Variants in GALNT1 observed in about 807,000 individuals in gnomAD.
GALNT1 encodes polypeptide N-acetylgalactosaminyltransferase 1.
Under a neutral mutation model 65.7 loss-of-function variants are expected in GALNT1, and 17 were observed. That is an observed-to-expected ratio of 0.26 (90% CI 0.18 to 0.39). The LOEUF (loss-of-function observed/expected upper bound fraction) is 0.39. GALNT1 is among the 10% of genes least tolerant of loss of function. The probability of loss-of-function intolerance (pLI) is 1.00; values close to 1 mark genes in which losing one functional copy is unlikely to be tolerated. For missense variants in GALNT1, 460 were observed against 672.8 expected, an observed-to-expected ratio of 0.68 and a Z score of 3.50; for synonymous variants, 210 against 219.7, an observed-to-expected ratio of 0.96 and a Z score of 0.39.
At chr18:35,595,305 G>C (rs546963084) in intron 1 of GALNT1, among the ~76,000 whole-genome samples, 3 of 152,158 alleles carry the variant, frequency 2.0e-5, no homozygotes, top group Non-Finnish European at 2.9e-5. Flanking sequence ...CACACACACA[G>C]AGATGCTGGC....
At chr18:35,685,980 A>T (rs1209208571) in intron 5 of GALNT1, among the ~76,000 whole-genome samples, 1 of 152,166 alleles carries the variant, frequency 6.6e-6, no homozygotes, top group African/African-American at 2.4e-5. Context: ...AGTCGGGAGG[A>T]TCGCTTGAAC....
chr18:35,637,088 C>G (rs914306511), intron 1 of GALNT1, among the ~76,000 whole-genome samples: 8 of 152,122 alleles, frequency 5.3e-5, no homozygotes, highest in African/African-American at 1.4e-4. Flanking sequence ...AGCCGTTTCC[C>G]TGTCTCTCTC....
intron 6 of GALNT1, among the ~76,000 whole-genome samples, chr18:35,687,405 CAT>C (rs1466245918): frequency 6.6e-6 from 1 of 152,156 alleles, no homozygotes; most frequent in Non-Finnish European, 1.5e-5. Flanking sequence ...ATCTAGTGCA[CAT>C]GAGAAATGAT....
At chr18:35,591,598 C>T (rs751543640) in intron 1 of GALNT1, 4 of 153,338 alleles carry the variant, frequency 2.6e-5, no homozygotes, top group Admixed American at 6.6e-5. Context: ...CTACCTTGCT[C>T]GGATAGTTTG....
intron 1 of GALNT1, among the ~76,000 whole-genome samples, chr18:35,632,274 G>A (rs926643306): frequency 5.3e-5 from 8 of 152,136 alleles, no homozygotes; most frequent in South Asian, 2.1e-4. Context: ...AAAGCTGGAG[G>A]CATCATGCTA....
chr18:35,689,445 A>G (rs920311273), intron 7 of GALNT1, among the ~76,000 whole-genome samples, 155 bp downstream of exon 7: 7 of 152,202 alleles, frequency 4.6e-5, no homozygotes, highest in African/African-American at 1.4e-4. Flanking sequence ...ACTGATAGTA[A>G]GGGTTCATTA....
At chr18:35,581,077 C>A (rs2046305895), upstream of GALNT1, 1 of 152,102 alleles carries the variant, frequency 6.6e-6, no homozygotes, top group Admixed American at 6.5e-5. Context: ...CGGCTGACAG[C>A]GCTCCAGCTC....
intron 3 of GALNT1, among the ~76,000 whole-genome samples, chr18:35,670,563 T>C (rs2047620031): frequency 6.6e-6 from 1 of 152,208 alleles, no homozygotes; most frequent in Admixed American, 6.5e-5. Context: ...TATAAAGATG[T>C]TGGTTCTTTC....
intron 1 of GALNT1, chr18:35,597,362 C>G (rs1386960192): frequency 1.3e-5 from 2 of 152,296 alleles, no homozygotes; most frequent in East Asian, 3.9e-4. Flanking sequence ...AATTCTCCAA[C>G]AGGAAATTAG....
intron 1 of GALNT1, among the ~76,000 whole-genome samples, chr18:35,616,279 G>A (rs2046782622): frequency 6.6e-6 from 1 of 152,122 alleles, no homozygotes; most frequent in Non-Finnish European, 1.5e-5. Flanking sequence ...GACATGTATA[G>A]TCTATGTGAC....
intron 3 of GALNT1, among the ~76,000 whole-genome samples, chr18:35,665,439 A>G (rs2047536125): frequency 6.6e-6 from 1 of 152,208 alleles, no homozygotes; most frequent in South Asian, 2.1e-4. Context: ...AAAAATAGGG[A>G]AGAGAAAATT....
rs2048343267 is a variant in GALNT1, at chr18:35,710,955, TCTG to T, written c.*1191_*1193del. On this transcript the variant is annotated 3_prime_UTR_variant, in exon 12 of 12. Transcript: ENST00000269195. ...TTAGATTATTGAATTGTAATGTTTA[TCTG>T]CTGCTTTTTTTAAATAAAATTTGAC... The T allele has an allele frequency of 6.6e-6, 1 of 152,664 alleles. No individual in the cohort carries two copies. Among genetic ancestry groups the T allele is most frequent in the Non-Finnish European group, 1.5e-5 (1 of 68,032 alleles). 9.5% of individuals were successfully genotyped at this position (152,664 alleles called of 1,614,324 possible). A position where few individuals can be genotyped will look rare whatever the true frequency, so the allele number is the denominator to read the frequency against.
chr18:35,684,715 C>G (rs116088870), intron 5 of GALNT1, among the ~76,000 whole-genome samples: 159 of 152,260 alleles, frequency 1.0e-3, no homozygotes, highest in African/African-American at 3.6e-3. Flanking sequence ...TGAGTTGGCA[C>G]AAAAGGAAGA....
At chr18:35,693,949 GAGA>G (rs2048010683) in intron 9 of GALNT1, among the ~76,000 whole-genome samples, 1 of 152,152 alleles carries the variant, frequency 6.6e-6, no homozygotes, top group Non-Finnish European at 1.5e-5. Flanking sequence ...AAAAAAGATT[GAGA>G]AGGAGTAGGC....
chr18:35,598,808 T>C (rs1003411858), intron 1 of GALNT1, among the ~76,000 whole-genome samples: 5 of 152,184 alleles, frequency 3.3e-5, no homozygotes, highest in African/African-American at 1.2e-4. Flanking sequence ...ACCTCCATGC[T>C]GTTTTCCTTA....
At chr18:35,698,907 G>A (rs1449937732) in intron 9 of GALNT1, among the ~76,000 whole-genome samples, 10 of 152,132 alleles carry the variant, frequency 6.6e-5, no homozygotes, top group Admixed American at 2.6e-4. Flanking sequence ...GCTTGAACCC[G>A]GGAGGCAGAG....
intron 1 of GALNT1, among the ~76,000 whole-genome samples, chr18:35,606,307 TATC>T (rs1007216589): frequency 3.9e-5 from 6 of 152,186 alleles, no homozygotes; most frequent in African/African-American, 9.6e-5. Context: ...AGTGCAAACT[TATC>T]ATGTATTGGT....
intron 1 of GALNT1, among the ~76,000 whole-genome samples, chr18:35,611,839 G>A (rs1246780576): frequency 6.6e-6 from 1 of 152,162 alleles, no homozygotes; most frequent in African/African-American, 2.4e-5. Flanking sequence ...TTTTGTTTCT[G>A]TGTAAAACTG....
intron 1 of GALNT1, among the ~76,000 whole-genome samples, chr18:35,583,968 A>G (rs1269738579): frequency 1.3e-5 from 2 of 152,172 alleles, no homozygotes; most frequent in Non-Finnish European, 2.9e-5. Flanking sequence ...AAAATTTTGT[A>G]TTTTTTTAGG....
Sources: allele counts gnomAD v4.1 joint callset (sites outside exome capture counted in the v4.1 genomes callset), GRCh38; gene constraint gnomAD v4.1.1; transcripts MANE v1.5; gene names NCBI Gene and HGNC (gene_info 2026-07-23, HGNC 2026-07-21).